Variants in WNT11 observed in about 807,000 individuals in gnomAD.
The protein encoded by WNT11 is protein Wnt-11.
WNT11 carries 20 observed loss-of-function variants against 35.6 expected under a neutral mutation model. That is an observed-to-expected ratio of 0.56 (90% CI 0.40 to 0.82). The LOEUF is 0.82. WNT11 is among the 40% of genes least tolerant of loss of function. WNT11 has a pLI of 0.00. For synonymous variants in WNT11, 200 were observed against 211.9 expected (o/e 0.94, Z 0.49); for missense variants, 459 against 504.4 (o/e 0.91, Z 0.86).
In WNT11 at chr11:76,196,571, C is replaced by T. The variant is rs775358596; in HGVS notation, c.231G>A (p.Met77Ile). The T allele has an allele frequency of 6.2e-7, 1 of 1,613,670 alleles. No individual in the cohort carries two copies. The highest frequency in any genetic ancestry group is 2.2e-5 in the East Asian group (1 of 44,888). Residue 77 changes from methionine (M) to isoleucine (I), a missense_variant, in exon 2 of 5, where the codon ATG becomes ATA. Transcript: ENST00000322563. ...HTVVHAAREV[M>I]KACRRAFADM... ...CGGCAAAGGCCCGGCGACAGGCCTT[C>T]ATGACCTCGCGGGCGGCGTGCACCA...
chr11:76,195,039 A>C, intron 2 of WNT11, 195 bp from the exon 3 acceptor site: 1 of 650,356 alleles, frequency 1.5e-6, no homozygotes, highest in Non-Finnish European at 2.5e-6. Context: ...CACACTCAGG[A>C]CCCCACACCC....
intron 4 of WNT11, among the ~76,000 whole-genome samples, chr11:76,188,408 C>T (rs186657413): frequency 6.6e-6 from 1 of 152,376 alleles, no homozygotes; most frequent in African/African-American, 2.4e-5. Flanking sequence ...GATGCGAAGA[C>T]ATTGAAGGTC....
intron 1 of WNT11, among the ~76,000 whole-genome samples, chr11:76,200,706 C>G (rs530021385): frequency 1.9e-4 from 29 of 152,338 alleles, no homozygotes; most frequent in Admixed American, 1.1e-3. Flanking sequence ...CTCTGCTTTG[C>G]TCTGAGCGGT....
chr11:76,191,372 C>A (rs1296078682), intron 4 of WNT11, among the ~76,000 whole-genome samples, 192 bp downstream of exon 4: 1 of 152,200 alleles, frequency 6.6e-6, no homozygotes, highest in African/African-American at 2.4e-5. Context: ...ACAGGCGCTC[C>A]CAGCAGCTCT....
chr11:76,187,710 C>T (rs1953120334), intron 4 of WNT11, among the ~76,000 whole-genome samples: 1 of 152,132 alleles, frequency 6.6e-6, no homozygotes, highest in South Asian at 2.1e-4. Flanking sequence ...TCTTGAACTC[C>T]TAGGCTCAAG....
chr11:76,192,041 G>A (rs73005314), intron 3 of WNT11, among the ~76,000 whole-genome samples, 185 bp from the exon 4 acceptor site: 1 of 152,168 alleles, frequency 6.6e-6, no homozygotes, highest in Non-Finnish European at 1.5e-5. Context: ...ACCGTGGGGG[G>A]CACAGCTGAG....
chr11:76,199,255 T>G (rs1953337045), intron 1 of WNT11, among the ~76,000 whole-genome samples: 1 of 152,176 alleles, frequency 6.6e-6, no homozygotes, highest in African/African-American at 2.4e-5. Flanking sequence ...GAGGCCAAAG[T>G]AGGAGGATCC....
Position 76,196,655 on chromosome 11 carries a change from C to T in WNT11, c.147G>A (p.Glu49=), listed in dbSNP as rs781295252. 7.1e-5 allele frequency: 114 copies of T among 1,613,688 alleles called. No individual in the cohort carries two copies. The highest frequency in any genetic ancestry group is 9.6e-5 in the Non-Finnish European group (113 of 1,180,014). ...GCTGCACCTGTGCAGACACCAGACC[C>T]TCCAGCTGCTTGCAGTGTTGCGTCT... ...LNQTQHCKQL[E]GLVSAQVQLC... Residue 49 remains glutamate, a synonymous_variant, in exon 2 of 5, where the codon GAG becomes GAA. Coordinates refer to ENST00000322563, the MANE Select transcript of WNT11 (RefSeq NM_004626.3).
intron 4 of WNT11, among the ~76,000 whole-genome samples, chr11:76,191,329 A>G (rs1953180701): frequency 6.6e-6 from 1 of 152,194 alleles, no homozygotes; most frequent in Admixed American, 6.5e-5. Context: ...CCATCAGCCT[A>G]CATTCACTGG....
chr11:76,189,008 C>T lies in WNT11; in HGVS notation c.891-1769G>A, dbSNP rs898706645. 1.4e-4 allele frequency among the ~76,000 whole-genome samples: 22 copies of T among 152,302 alleles called. No homozygotes were observed. The East Asian group carries it at 1.7e-3, about 12-fold the overall frequency. ...AGGGGAGCGCCTGGGGAGAGTCAGC[C>T]GGTGACCAGCAAGTGGGGGCTGCCA... On this transcript the variant is annotated intron_variant, in intron 4 of 4. Coordinates refer to ENST00000322563, the MANE Select transcript of WNT11 (RefSeq NM_004626.3).
In WNT11 at chr11:76,194,204, TCACCCC is replaced by T. The variant is rs1173628048; in HGVS notation, c.597+357_597+362del. 3.3e-5 allele frequency among the ~76,000 whole-genome samples: 5 copies of T among 151,972 alleles called. No individual in the cohort carries two copies. In the East Asian group the frequency reaches 7.8e-4, roughly 24 times the overall value. On this transcript the variant is annotated intron_variant, in intron 3 of 4. Coordinates refer to ENST00000322563, the MANE Select transcript of WNT11 (RefSeq NM_004626.3). The surrounding 1 kb of genome is among the most constrained non-coding windows in gnomAD (Gnocchi z 5.4). ...TGACAGATGGGGACTCAGCACCAGG[TCACCCC>T]CACCATTTCATAGATGGGAACAGCT... is the stretch of plus-strand genomic sequence containing the variant.
Position 76,194,480 on chromosome 11 carries a change from C to T in WNT11, c.597+87G>A. On this transcript the variant is annotated intron_variant, in intron 3 of 4. Transcript: ENST00000322563. This position sits in a 1 kb window ranked among gnomAD's most constrained non-coding sequence, Gnocchi z 5.4. ...CCAGTCAGGGCCCGTCCCCCCGCAC[C>T]CCCCACCACTGGGGCAAGCTGGGTG... 1 of 1,461,346 alleles carries T rather than the reference C, an allele frequency of 6.8e-7. No homozygotes were observed. The highest frequency in any genetic ancestry group is 2.5e-5 in the East Asian group (1 of 40,168). 90.5% of individuals were successfully genotyped at this position (1,461,346 alleles called of 1,614,324 possible). A position where few individuals can be genotyped will look rare whatever the true frequency, so the allele number is the denominator to read the frequency against.
At chr11:76,187,669 C>T (rs554543691) in intron 4 of WNT11, among the ~76,000 whole-genome samples, 7 of 151,670 alleles carry the variant, frequency 4.6e-5, no homozygotes, top group Admixed American at 1.3e-4. Context: ...ATTTTTGTAG[C>T]GATGGAATCC....
chr11:76,197,600 A>G (rs1235508134), intron 1 of WNT11, among the ~76,000 whole-genome samples: 1 of 152,000 alleles, frequency 6.6e-6, no homozygotes, highest in Non-Finnish European at 1.5e-5. Flanking sequence ...TTAAAATTCA[A>G]CTCAGGGAGT....
chr11:76,194,608 T>C lies in WNT11; in HGVS notation c.556A>G (p.Asn186Asp), dbSNP rs1479012903. 1 of 1,550,388 alleles carries C rather than the reference T, an allele frequency of 6.4e-7. No individual in the cohort carries two copies. The highest frequency in any genetic ancestry group is 8.7e-7 in the Non-Finnish European group (1 of 1,146,924). The change falls in exon 3 of 5, where the codon AAT (asparagine) becomes GAT (aspartate). Residue 186 changes from asparagine to aspartate, a missense_variant. Transcript: ENST00000322563. This position sits in a 1 kb window ranked among gnomAD's most constrained non-coding sequence, Gnocchi z 5.4. ...CTGTTGTGTAGACGCATCAGTTTAT[T>C]GGCTTGGGATCCTGTTTTTTTCACC... is the stretch of plus-strand genomic sequence containing the variant. ...MKVKKTGSQA[N>D]KLMRLHNSEV...
intron 4 of WNT11, among the ~76,000 whole-genome samples, chr11:76,188,443 A>T (rs1226994018): frequency 6.6e-6 from 1 of 152,248 alleles, no homozygotes; most frequent in African/African-American, 2.4e-5. Context: ...ACATCCTTCC[A>T]CTGCTCTCAG....
upstream of WNT11, among the ~76,000 whole-genome samples, chr11:76,207,188 C>T (rs181948245): frequency 9.3e-3 from 1,408 of 152,192 alleles, 17 homozygotes; most frequent in African/African-American, 0.032. Context: ...ATGGCAAAAC[C>T]CCGTCTCTAC....
chr11:76,192,214 TAA>T (rs1953196712), intron 3 of WNT11, among the ~76,000 whole-genome samples: 1 of 152,240 alleles, frequency 6.6e-6, no homozygotes. Context: ...TCAGAGAGGC[TAA>T]GTCTCATGCC....
intron 4 of WNT11, among the ~76,000 whole-genome samples, chr11:76,188,351 G>C (rs369728363): frequency 2.0e-5 from 3 of 152,268 alleles, no homozygotes; most frequent in Non-Finnish European, 1.5e-5. Context: ...TACCCTAAAG[G>C]GTGGGGCATG....
Sources: allele counts gnomAD v4.1 joint callset (sites outside exome capture counted in the v4.1 genomes callset), GRCh38; gene constraint gnomAD v4.1.1; non-coding constraint Gnocchi (gnomAD v3.1); transcripts MANE v1.5; gene names NCBI Gene and HGNC (gene_info 2026-07-23, HGNC 2026-07-21).